Variants in C10orf143 observed in about 807,000 individuals in gnomAD.
C10orf143 encodes uncharacterized protein C10orf143.
At chr10:130,090,922 G>C (rs959643433) in intron 1 of C10orf143, among the ~76,000 whole-genome samples, 3 of 152,180 alleles carry the variant, frequency 2.0e-5, no homozygotes, top group Admixed American at 1.3e-4. Context: ...CGCCAGTCAG[G>C]GGCTTATAGA....
intron 1 of C10orf143, among the ~76,000 whole-genome samples, chr10:130,090,709 A>T (rs1408940113): frequency 6.8e-6 from 1 of 146,862 alleles, no homozygotes; most frequent in Non-Finnish European, 1.5e-5. Flanking sequence ...TCAACCTGGG[A>T]TGCTTGAGCT....
At chr10:130,055,952 T>TAA (rs369284797) in intron 3 of C10orf143, among the ~76,000 whole-genome samples, 1,926 of 65,872 alleles carry the variant, frequency 0.029, 115 homozygotes, top group Non-Finnish European at 0.039. Context: ...TCTCCAAAAG[T>TAA]AAAAAAAAAA....
intron 1 of C10orf143, 49 bp downstream of exon 1, chr10:130,110,655 A>C: frequency 2.5e-6 from 1 of 398,536 alleles, no homozygotes; most frequent in Non-Finnish European, 4.4e-6. Context: ...GAACCCGCCC[A>C]GGGGCCATCC....
At chr10:130,078,194 T>C (rs570936158) in intron 3 of C10orf143, among the ~76,000 whole-genome samples, 18 of 152,308 alleles carry the variant, frequency 1.2e-4, no homozygotes, top group Non-Finnish European at 2.4e-4. Flanking sequence ...AATCAGTTGC[T>C]TGAACTAAAT....
chr10:130,081,237 T>G (rs1200353368), intron 1 of C10orf143, among the ~76,000 whole-genome samples: 1 of 152,200 alleles, frequency 6.6e-6, no homozygotes, highest in Non-Finnish European at 1.5e-5. Context: ...AAGGACTTTT[T>G]TTTTAATGCT....
chr10:130,096,084 A>C (rs1340575133), intron 1 of C10orf143, among the ~76,000 whole-genome samples: 2 of 152,210 alleles, frequency 1.3e-5, no homozygotes, highest in African/African-American at 4.8e-5. Flanking sequence ...AAGGAACTTA[A>C]ACAAATTTAC....
downstream of C10orf143, among the ~76,000 whole-genome samples, chr10:130,061,617 A>C (rs1379987274): frequency 6.6e-6 from 1 of 152,226 alleles, no homozygotes; most frequent in Non-Finnish European, 1.5e-5. Flanking sequence ...CAGACACATC[A>C]ATGCCCAGTC....
intron 3 of C10orf143, among the ~76,000 whole-genome samples, chr10:130,058,055 A>G (rs776531984): frequency 6.6e-6 from 1 of 152,242 alleles, no homozygotes; most frequent in Non-Finnish European, 1.5e-5. Flanking sequence ...CACCTCCACA[A>G]GATTCCATGT....
intron 3 of C10orf143, among the ~76,000 whole-genome samples, chr10:130,055,859 T>C (rs895320672): frequency 6.8e-6 from 1 of 148,070 alleles, no homozygotes; most frequent in South Asian, 2.1e-4. Flanking sequence ...GGCAGGGGAA[T>C]TGCTTGAACC....
intron 3 of C10orf143, among the ~76,000 whole-genome samples, chr10:130,036,634 A>G (rs1860548111): frequency 6.6e-6 from 1 of 152,192 alleles, no homozygotes; most frequent in Non-Finnish European, 1.5e-5. Flanking sequence ...GCGTTTCAAT[A>G]GTATTTGACA....
At chr10:130,087,820 G>A (rs531109793) in intron 1 of C10orf143, among the ~76,000 whole-genome samples, 1 of 152,210 alleles carries the variant, frequency 6.6e-6, no homozygotes, top group Admixed American at 6.5e-5. Flanking sequence ...ACGGAGCAGG[G>A]TGAGCAGAGC....
chr10:130,055,687 T>G (rs1295106009), intron 3 of C10orf143, among the ~76,000 whole-genome samples: 3 of 152,114 alleles, frequency 2.0e-5, no homozygotes, highest in African/African-American at 7.2e-5. Flanking sequence ...GGCTCACGCC[T>G]GTAAGCCCAG....
At chr10:130,079,951 C>G in intron 1 of C10orf143, 50 bp from the exon 2 acceptor site, 1 of 398,572 alleles carries the variant, frequency 2.5e-6, no homozygotes, top group Non-Finnish European at 4.4e-6. Flanking sequence ...GCACACAACA[C>G]TCTAATTGAA....
chr10:130,059,293 GA>G (rs1252246820), downstream of C10orf143, among the ~76,000 whole-genome samples: 26 of 152,206 alleles, frequency 1.7e-4, no homozygotes, highest in Middle Eastern at 3.4e-3. Flanking sequence ...ATATGACAGA[GA>G]AAAATTGTGT....
chr10:130,094,592 A>T (rs1420306445), intron 1 of C10orf143, among the ~76,000 whole-genome samples: 27 of 152,224 alleles, frequency 1.8e-4, no homozygotes, highest in Admixed American at 1.8e-3. Context: ...CAATAAATGT[A>T]ATCCATGACA....
At chr10:130,088,325 A>G (rs1272613627) in intron 1 of C10orf143, among the ~76,000 whole-genome samples, 1 of 152,214 alleles carries the variant, frequency 6.6e-6, no homozygotes, top group African/African-American at 2.4e-5. Context: ...CAGAGGTTGT[A>G]GTGAGCCAGG....
chr10:130,092,058 C>T (rs1861391037), intron 1 of C10orf143, among the ~76,000 whole-genome samples: 1 of 152,176 alleles, frequency 6.6e-6, no homozygotes, highest in South Asian at 2.1e-4. Flanking sequence ...TCAAGAAATA[C>T]AGAGAACACC....
At chr10:130,066,177 C>T (rs1308122297) in intron 3 of C10orf143, 1 of 149,144 alleles carries the variant, frequency 6.7e-6, no homozygotes, top group African/African-American at 2.5e-5. Context: ...AGGACTGAGA[C>T]CTGGATTTTT....
At chr10:130,092,536 A>T (rs1022758376) in intron 1 of C10orf143, among the ~76,000 whole-genome samples, 1 of 152,202 alleles carries the variant, frequency 6.6e-6, no homozygotes, top group African/African-American at 2.4e-5. Flanking sequence ...AGCTAGCATC[A>T]TAATGACAGA....
Sources: gnomAD v4.1 joint callset for allele counts (sites outside exome capture counted in the v4.1 genomes callset) on GRCh38, gnomAD v4.1.1 for gene constraint, MANE v1.5 for transcripts, NCBI Gene and HGNC (gene_info 2026-07-23, HGNC 2026-07-21) for gene names.